TASOR2: variants seen among roughly 807,000 people sequenced by gnomAD.
TASOR2 encodes the protein protein TASOR 2.
A neutral mutation model predicts 199.5 loss-of-function variants in TASOR2; 84 were observed. That is an observed-to-expected ratio of 0.42 (90% confidence interval 0.35 to 0.50). The LOEUF is 0.50. TASOR2 is among the 20% of genes least tolerant of loss of function. The pLI, the probability that TASOR2 is intolerant of heterozygous loss-of-function variation, is 0.02. For missense variants in TASOR2, 2,796 were observed against 2,835.9 expected, an observed-to-expected ratio of 0.99 and a Z score of 0.32; for synonymous variants, 1,103 against 1,046.6, an observed-to-expected ratio of 1.05 and a Z score of -1.04.
intron 11 of TASOR2, 73 bp downstream of exon 12, chr10:5,731,276 T>C: frequency 7.0e-7 from 1 of 1,436,998 alleles, no homozygotes; most frequent in Non-Finnish European, 9.4e-7. Flanking sequence ...ATGCCTGTAA[T>C]CCCAGCACTT....
chr10:5,686,042 A>T (rs1835774775), intron 1 of TASOR2, among the ~76,000 whole-genome samples: 1 of 152,162 alleles, frequency 6.6e-6, no homozygotes, highest in Admixed American at 6.6e-5. Context: ...GTTTATAGCA[A>T]AGCAGTGTCC....
Position 5,707,284 on chromosome 10 carries a change from C to T in TASOR2, c.-287-5539C>T, listed in dbSNP as rs559648288. The stretch of plus-strand genomic sequence containing the variant: ...TAACAAAATCCATCAGTTAGTATGT[C>T]TTCAGCTTCCAATAAAAGTTTAAAC... On this transcript the variant is annotated intron_variant, in intron 1 of 20. Coordinates refer to ENST00000328090, the Ensembl canonical transcript of TASOR2. 2.6e-4 allele frequency among the ~76,000 whole-genome samples: 39 copies of T among 152,266 alleles called. 2 individuals carry two copies. The South Asian group carries it at 8.1e-3, about 32-fold the overall frequency.
chr10:5,732,643 A>C (rs1834987590), intron 11 of TASOR2, among the ~76,000 whole-genome samples: 1 of 152,182 alleles, frequency 6.6e-6, no homozygotes, highest in Admixed American at 6.5e-5. Context: ...CTGCAGTCTC[A>C]AACTCCTGGG....
chr10:5,724,566 T>C (rs762564239), intron 8 of TASOR2, 33 bp downstream of exon 9: 1 of 903,480 alleles, frequency 1.1e-6, no homozygotes, highest in Non-Finnish European at 1.5e-6. Flanking sequence ...ATAATTATTA[T>C]GTTTTTCTTT....
At chr10:5,732,256 T>A (rs1834921562) in intron 11 of TASOR2, among the ~76,000 whole-genome samples, 1 of 152,222 alleles carries the variant, frequency 6.6e-6, no homozygotes, top group African/African-American at 2.4e-5. Context: ...TAGGGAAGTA[T>A]ATGGGTGACT....
At chr10:5,735,618 G>GA (rs1272042520) in intron 12 of TASOR2, 72 bp downstream of exon 13, 1 of 1,540,368 alleles carries the variant, frequency 6.5e-7, no homozygotes, top group East Asian at 2.3e-5. Context: ...ATAATTTATT[G>GA]AAATAGTGTA....
chr10:5,704,375 A>G (rs1032625510), intron 1 of TASOR2, among the ~76,000 whole-genome samples: 2 of 152,094 alleles, frequency 1.3e-5, no homozygotes, highest in Non-Finnish European at 2.9e-5. Context: ...GTTTTGATAA[A>G]TTATTTCTGG....
chr10:5,728,220 C>T (rs1382333856), intron 10 of TASOR2, among the ~76,000 whole-genome samples: 1 of 134,410 alleles, frequency 7.4e-6, no homozygotes, highest in African/African-American at 2.8e-5. Flanking sequence ...GACCCTGTTT[C>T]AAAAAAAAAA....
At chr10:5,759,055 G>C in intron 18 of TASOR2, 63 bp downstream of exon 19, 7 of 1,166,618 alleles carry the variant, frequency 6.0e-6, no homozygotes, top group Non-Finnish European at 8.9e-6. Flanking sequence ...AACGCCTCAT[G>C]TTCCATGGGC....
intron 20 of TASOR2, 92 bp from the exon 22 acceptor site, chr10:5,762,937 T>C (rs1029609387): frequency 1.4e-5 from 16 of 1,184,220 alleles, no homozygotes; most frequent in African/African-American, 6.1e-5. Flanking sequence ...TTAGAATGCA[T>C]AGGCGTTTTC....
At chr10:5,744,608 A>G (rs1564338883) in intron 14 of TASOR2, among the ~76,000 whole-genome samples, 2 of 151,768 alleles carry the variant, frequency 1.3e-5, no homozygotes, top group African/African-American at 4.8e-5. Context: ...CCAGCCAGAA[A>G]TGGTTGGTTG....
chr10:5,695,102 C>T (rs72774056), intron 1 of TASOR2, among the ~76,000 whole-genome samples: 40,014 of 151,954 alleles, frequency 0.26, 6,000 homozygotes, highest in Non-Finnish European at 0.33. Flanking sequence ...AGTTTCATTT[C>T]TTTTTCTGAG....
At chr10:5,749,005 C>G in exon 15 of TASOR2, 1 of 1,614,098 alleles carries the variant, frequency 6.2e-7, no homozygotes. Flanking sequence ...AAAAGATGTT[C>G]CCACAGATGG....
chr10:5,721,683 T>G (rs1004848718), intron 6 of TASOR2, among the ~76,000 whole-genome samples: 3 of 152,206 alleles, frequency 2.0e-5, no homozygotes, highest in African/African-American at 7.2e-5. Context: ...ATTGATAAAT[T>G]AGAAGATCAG....
rs1838153378 is a variant in TASOR2, at chr10:5,752,213, T to TA, written c.6606+2187dup. On this transcript the variant is annotated intron_variant, in intron 15 of 20. Transcript: ENST00000328090. The surrounding 1 kb of genome is among the most constrained non-coding windows in gnomAD (Gnocchi z 4.4). ...GATGTTGCTTTTTTGTCATGATTCT[T>TA]ATAGTCTAATGGGACAAGGAAAACA... Among the ~76,000 whole-genome samples the TA allele has an allele frequency of 6.6e-6, 1 of 152,190 alleles. No homozygotes were observed. Among genetic ancestry groups the TA allele is most frequent in the Non-Finnish European group, 1.5e-5 (1 of 68,036 alleles).
At chr10:5,702,896 A>G (rs1236028946) in intron 1 of TASOR2, among the ~76,000 whole-genome samples, 1 of 152,304 alleles carries the variant, frequency 6.6e-6, no homozygotes, top group East Asian at 1.9e-4. Flanking sequence ...GATCATATAA[A>G]GAAAATCAGG....
chr10:5,711,585 G>A (rs1251156348), intron 1 of TASOR2, among the ~76,000 whole-genome samples: 2 of 152,080 alleles, frequency 1.3e-5, no homozygotes, highest in Admixed American at 1.3e-4. Context: ...AGGTCATTAG[G>A]CTCAGTTCTT....
chr10:5,728,218 T>G (rs1005443676), intron 10 of TASOR2, among the ~76,000 whole-genome samples: 3 of 55,852 alleles, frequency 5.4e-5, no homozygotes, highest in Non-Finnish European at 1.1e-4. Flanking sequence ...GAGACCCTGT[T>G]TCAAAAAAAA....
chr10:5,727,650 CT>C (rs1564304596), intron 10 of TASOR2, among the ~76,000 whole-genome samples: 1 of 152,054 alleles, frequency 6.6e-6, no homozygotes, highest in African/African-American at 2.4e-5. Flanking sequence ...AAAAATGACT[CT>C]AAGAGGGCTG....
Sources: gnomAD v4.1 joint callset for allele counts (sites outside exome capture counted in the v4.1 genomes callset) on GRCh38, gnomAD v4.1.1 for gene constraint, Gnocchi (gnomAD v3.1) non-coding constraint, MANE v1.5 for transcripts, NCBI Gene and HGNC (gene_info 2026-07-23, HGNC 2026-07-21) for gene names.